The following NAV3 variants were observed in gnomAD, a reference collection of about 807,000 sequenced individuals.
NAV3 encodes neuron navigator 3.
A neutral mutation model predicts 244.7 loss-of-function variants in NAV3; 87 were observed. That is an observed-to-expected ratio of 0.36 (90% confidence interval 0.30 to 0.42). NAV3 has a LOEUF of 0.42. NAV3 is among the 20% of genes least tolerant of loss of function. The probability of loss-of-function intolerance (pLI) is 1.00; values close to 1 mark genes in which losing one functional copy is unlikely to be tolerated. For missense variants in NAV3, 2,663 were observed against 2,893.3 expected (o/e 0.92, Z 1.83); for synonymous variants, 1,126 against 1,042.2 (o/e 1.08, Z -1.55).
At chr12:77,919,498 G>T (rs1276691176) in intron 1 of NAV3, among the ~76,000 whole-genome samples, 1 of 151,974 alleles carries the variant, frequency 6.6e-6, no homozygotes. Flanking sequence ...TAGAAAGGAA[G>T]ATACCATGTC....
chr12:78,177,236 T>C lies in NAV3; in HGVS notation c.5220T>C (p.Leu1740=), dbSNP rs570419507. Residue 1740 remains leucine (L), a synonymous_variant, in exon 27 of 40, where the codon CTT becomes CTC. Transcript: ENST00000397909. ...SDIEELTDSS[L]PASPKLPHNA... is the part of the protein sequence containing the mutation. ...TTGAAGAGCTTACTGATTCATCCCT[T>C]CCGGCATCCCCCAAGTTACCCCATA... is the stretch of plus-strand genomic sequence containing the variant. 3.7e-6 allele frequency: 6 copies of C among 1,613,590 alleles called. No individual in the cohort carries two copies. The Admixed American group carries it at 8.3e-5, about 22-fold the overall frequency.
At chr12:77,583,207 T>C (rs1458365027) in intron 2 of NAV3, among the ~76,000 whole-genome samples, 1 of 152,216 alleles carries the variant, frequency 6.6e-6, no homozygotes, top group African/African-American at 2.4e-5. Flanking sequence ...TGGTAATTAA[T>C]TTCTACTTAA....
intron 1 of NAV3, among the ~76,000 whole-genome samples, chr12:77,846,301 T>G (rs1876622252): frequency 6.6e-6 from 1 of 152,240 alleles, no homozygotes. Flanking sequence ...AAAAGTTAAT[T>G]CATTTTGTGT....
chr12:78,046,074 T>C (rs1371629840), intron 9 of NAV3, among the ~76,000 whole-genome samples: 4 of 152,238 alleles, frequency 2.6e-5, no homozygotes, highest in Non-Finnish European at 5.9e-5. Context: ...GGATCAGTGG[T>C]GATATCCCCT....
intron 23 of NAV3, among the ~76,000 whole-genome samples, chr12:78,168,293 C>A (rs1203798458): frequency 6.6e-6 from 1 of 151,656 alleles, no homozygotes; most frequent in Admixed American, 6.6e-5. Flanking sequence ...TTTGCAGGCA[C>A]AAAATACTTC....
chr12:77,741,226 G>T (rs949005105), intron 2 of NAV3, among the ~76,000 whole-genome samples: 1 of 150,376 alleles, frequency 6.6e-6, no homozygotes, highest in African/African-American at 2.4e-5. Flanking sequence ...GAAGCGGGGG[G>T]AAGGAGAAAC....
upstream of NAV3, among the ~76,000 whole-genome samples, chr12:77,827,740 C>A (rs1333007953): frequency 1.3e-5 from 2 of 152,154 alleles, no homozygotes; most frequent in Admixed American, 1.3e-4. Flanking sequence ...ACTATCTTAA[C>A]AACATCATAC....
At chr12:78,118,733 T>C (rs1291807463) in intron 14 of NAV3, among the ~76,000 whole-genome samples, 1 of 152,234 alleles carries the variant, frequency 6.6e-6, no homozygotes, top group Non-Finnish European at 1.5e-5. Context: ...GCTGGAGATT[T>C]GAAATATTGT....
intron 1 of NAV3, among the ~76,000 whole-genome samples, chr12:77,885,440 G>A (rs1007541864): frequency 6.6e-6 from 1 of 151,900 alleles, no homozygotes; most frequent in Non-Finnish European, 1.5e-5. Context: ...AGTACCTTAC[G>A]CAGAATAAGT....
rs1270660733 is a variant in NAV3 at position 78,154,313 on chromosome 12, GTA to G, written c.4786-4881_4786-4880del. 1.2e-3 allele frequency among the ~76,000 whole-genome samples: 160 copies of G among 130,494 alleles called. 2 individuals are homozygous for G. Among genetic ancestry groups the G allele is most frequent in the African/African-American group, 4.1e-3 (144 of 35,142 alleles). The allele number at this position is 130,494 out of a possible 152,430, so 85.6% of individuals were successfully genotyped here. ...ACTATATATTACTATATAATATATA[GTA>G]TATATATAGTATATATTATATAGTA... is the stretch of plus-strand genomic sequence containing the variant. On this transcript the variant is annotated intron_variant, in intron 22 of 39. Coordinates refer to ENST00000397909, the MANE Select transcript of NAV3 (RefSeq NM_001024383.2).
chr12:77,808,119 A>T (rs1872080838), intron 2 of NAV3, among the ~76,000 whole-genome samples: 1 of 152,134 alleles, frequency 6.6e-6, no homozygotes, highest in South Asian at 2.1e-4. Flanking sequence ...TTGGGCTAGA[A>T]CATGCCCTTT....
Position 78,177,609 on chromosome 12 carries a change from T to C in NAV3, c.5298-11T>C, listed in dbSNP as rs373915102. ...TTGTCCATGTATCTGTCTAACTGTA[T>C]GTACATACAGGTCACCCCTTGTCTG... On this transcript the variant is annotated splice_polypyrimidine_tract_variant and intron_variant, in intron 27 of 39. Transcript: ENST00000397909. 2 of 1,596,438 alleles carry C rather than the reference T, an allele frequency of 1.3e-6. No individual in the cohort carries two copies. The highest frequency in any genetic ancestry group is 2.2e-5 in the East Asian group (1 of 44,684).
chr12:77,637,731 T>G (rs780321036), intron 2 of NAV3, among the ~76,000 whole-genome samples: 1 of 152,196 alleles, frequency 6.6e-6, no homozygotes, highest in Non-Finnish European at 1.5e-5. Context: ...AAATATCTTC[T>G]AAATGCCTAA....
intron 2 of NAV3, among the ~76,000 whole-genome samples, chr12:77,616,837 C>T (rs1319830488): frequency 2.0e-5 from 3 of 152,062 alleles, no homozygotes; most frequent in Non-Finnish European, 2.9e-5. Context: ...GAATGATATT[C>T]TGCAGAAAAT....
intron 26 of NAV3, 71 bp downstream of exon 26, chr12:78,176,530 T>G: frequency 6.8e-7 from 1 of 1,471,042 alleles, no homozygotes; most frequent in Non-Finnish European, 9.5e-7. Context: ...ATGCTATCCA[T>G]TTTGGCAGTA....
At chr12:77,578,225 A>G (rs928540378) in intron 2 of NAV3, among the ~76,000 whole-genome samples, 1 of 152,106 alleles carries the variant, frequency 6.6e-6, no homozygotes, top group Non-Finnish European at 1.5e-5. Flanking sequence ...GGAGCTTATA[A>G]GAAATACAAA....
intron 12 of NAV3, among the ~76,000 whole-genome samples, chr12:78,062,235 A>C (rs941147097): frequency 5.9e-5 from 9 of 152,132 alleles, no homozygotes; most frequent in African/African-American, 1.9e-4. Context: ...ATATCAGATA[A>C]ATTGTGGAAA....
chr12:78,049,069 C>G (rs901526779), intron 9 of NAV3, among the ~76,000 whole-genome samples: 3 of 152,166 alleles, frequency 2.0e-5, no homozygotes, highest in African/African-American at 2.4e-5. Context: ...GCCCCTCCCC[C>G]CACCAAGCTC....
At chr12:78,041,971 C>T (rs1880941683) in intron 9 of NAV3, among the ~76,000 whole-genome samples, 1 of 151,990 alleles carries the variant, frequency 6.6e-6, no homozygotes, top group Admixed American at 6.6e-5. Flanking sequence ...GTTTCCATTC[C>T]ATTCCCTTCC....
Sources: gnomAD v4.1 joint callset for allele counts (sites outside exome capture counted in the v4.1 genomes callset) on GRCh38, gnomAD v4.1.1 for gene constraint, MANE v1.5 for transcripts, NCBI Gene and HGNC (gene_info 2026-07-23, HGNC 2026-07-21) for gene names.